The following TUBA8 variants were observed in gnomAD, a reference collection of about 807,000 sequenced individuals.
TUBA8 encodes tubulin alpha 8.
A neutral mutation model predicts 34.7 loss-of-function variants in TUBA8; 29 were observed. The observed-to-expected ratio is 0.84, with a 90% CI of 0.62 to 1.14. The LOEUF (loss-of-function observed/expected upper bound fraction) is 1.14, where lower values mean the gene tolerates loss of function less well. Among genes scored for constraint, TUBA8 ranks in the 50% most tolerant of loss-of-function variants. The probability of loss-of-function intolerance (pLI) is 0.00; values close to 1 mark genes in which losing one functional copy is unlikely to be tolerated. For missense variants in TUBA8, 541 were observed against 599.2 expected (o/e 0.90, Z 1.01); for synonymous variants, 226 against 231.2 (o/e 0.98, Z 0.21).
intron 4 of TUBA8, chr22:18,127,662 G>A (rs1187794355): frequency 6.7e-6 from 1 of 148,336 alleles, no homozygotes; most frequent in African/African-American, 2.5e-5. Context: ...CAAAGTGCTG[G>A]GATTACAGGC....
chr22:18,130,386 A>C, intron 4 of TUBA8: 1 of 190,764 alleles, frequency 5.2e-6, no homozygotes, highest in East Asian at 1.3e-4. Context: ...CTCCTTCTCT[A>C]GCCTTTGATT....
In TUBA8 at chr22:18,126,279, GGTCTGGCTTTTTTACT is replaced by G. The variant is rs1928313361; in HGVS notation, c.376-72_376-57del. 3 of 1,388,514 alleles carry G rather than the reference GGTCTGGCTTTTTTACT, an allele frequency of 2.2e-6. No homozygotes were observed. Among genetic ancestry groups the G allele is most frequent in the Non-Finnish European group, 3.1e-6 (3 of 977,884 alleles). The allele number at this position is 1,388,514 out of a possible 1,614,324, so 86.0% of individuals were successfully genotyped here. On this transcript the variant is annotated intron_variant, in intron 3 of 4. Transcript: ENST00000330423. The surrounding 1 kb of genome is among the most constrained non-coding windows in gnomAD (Gnocchi z 4.0). Reference sequence around the variant, plus strand: ...AAAATATGAGGCAGACAGAGTGGGCGGTCTGGCTTTTTTACTGTGGGGTGTTCTCGGAAACTTGTCT... The same window carrying G: ...AAAATATGAGGCAGACAGAGTGGGCGGTGGGGTGTTCTCGGAAACTTGTCT...
chr22:18,131,233 T>A lies in TUBA8; in HGVS notation c.*97T>A. ...GAACACTCTCCCCGCCCCAGCCTGATTCCTGCCTTACCCAGGAGGAGGGTG... is the reference window on the plus strand; with the variant it reads ...GAACACTCTCCCCGCCCCAGCCTGAATCCTGCCTTACCCAGGAGGAGGGTG... On this transcript the variant is annotated 3_prime_UTR_variant, in exon 5 of 5. Coordinates refer to ENST00000330423, the MANE Select transcript of TUBA8 (RefSeq NM_018943.3). This position sits in a 1 kb window ranked among gnomAD's most constrained non-coding sequence, Gnocchi z 5.3. 7.2e-7 allele frequency: 1 copy of A among 1,386,516 alleles called. No homozygotes were observed. Among genetic ancestry groups the A allele is most frequent in the Non-Finnish European group, 1.0e-6 (1 of 991,362 alleles). 85.9% of individuals were successfully genotyped at this position (1,386,516 alleles called of 1,614,324 possible). A position where few individuals can be genotyped will look rare whatever the true frequency, so the allele number is the denominator to read the frequency against.
rs1928518223 is a variant in TUBA8, at chr22:18,131,587, T to C, written c.*451T>C. 1 of 238,174 alleles carries C rather than the reference T, an allele frequency of 4.2e-6. No individual in the cohort carries two copies. The highest frequency in any genetic ancestry group is 6.0e-5 in the South Asian group (1 of 16,534). 14.8% of individuals were successfully genotyped at this position (238,174 alleles called of 1,614,324 possible). A position where few individuals can be genotyped will look rare whatever the true frequency, so the allele number is the denominator to read the frequency against. ...TCTATAGCCCGCTCCGGGCATCATCTAGACTTAGCATGCATTCACTCCCCC... is the reference window on the plus strand; with the variant it reads ...TCTATAGCCCGCTCCGGGCATCATCCAGACTTAGCATGCATTCACTCCCCC... On this transcript the variant is annotated 3_prime_UTR_variant, in exon 5 of 5. Transcript: ENST00000330423. The surrounding 1 kb of genome is among the most constrained non-coding windows in gnomAD (Gnocchi z 5.3).
chr22:18,126,763 AC>A lies in TUBA8; in HGVS notation c.790del (p.Arg264AlafsTer28), dbSNP rs1928338351. On this transcript the variant is annotated frameshift_variant, in exon 4 of 5. Transcript: ENST00000330423. LOFTEE classifies it high-confidence loss of function. The surrounding 1 kb of genome is among the most constrained non-coding windows in gnomAD (Gnocchi z 4.0). ...GAGTTCCAGACCAACCTGGTGCCCT[AC>A]CCCCGCATCCACTTCCCGCTGGTCA... ...LTEFQTNLVP[Y>X]PRIHFPLVTY... 1.2e-6 allele frequency: 2 copies of A among 1,613,038 alleles called. No individual in the cohort carries two copies. Among genetic ancestry groups the A allele is most frequent in the East Asian group, 2.2e-5 (1 of 44,848 alleles).
In TUBA8 at chr22:18,110,839, G is replaced by A. The variant is rs776539934; in HGVS notation, c.-27G>A. 3 of 1,541,778 alleles carry A rather than the reference G, an allele frequency of 1.9e-6. No individual in the cohort carries two copies. The Admixed American group carries it at 5.8e-5, about 30-fold the overall frequency. ...TCGGGGCGGGCAGGCCCAGCTGAGA[G>A]GTGCGCGGGCGAGGACAGCGGCAGC... On this transcript the variant is annotated 5_prime_UTR_variant, in exon 1 of 5. Coordinates refer to ENST00000330423, the MANE Select transcript of TUBA8 (RefSeq NM_018943.3). This position sits in a 1 kb window ranked among gnomAD's most constrained non-coding sequence, Gnocchi z 6.2.
Position 18,121,344 on chromosome 22 carries a change from C to A in TUBA8, c.4-135C>A. 1.4e-6 allele frequency: 1 copy of A among 737,932 alleles called. No individual in the cohort carries two copies. Among genetic ancestry groups the A allele is most frequent in the Non-Finnish European group, 2.4e-6 (1 of 411,040 alleles). 45.7% of individuals were successfully genotyped at this position (737,932 alleles called of 1,614,324 possible). ...GTCCAGCTGCTATAGAGCTGGGGCA[C>A]CTGCAGCCTCAACGCCAACTGGCAA... On this transcript the variant is annotated intron_variant, in intron 1 of 4. Coordinates refer to ENST00000330423, the MANE Select transcript of TUBA8 (RefSeq NM_018943.3). The surrounding 1 kb of genome is among the most constrained non-coding windows in gnomAD (Gnocchi z 4.8).
chr22:18,121,307 A>C lies in TUBA8; in HGVS notation c.4-172A>C. On this transcript the variant is annotated intron_variant, in intron 1 of 4. Transcript: ENST00000330423. The surrounding 1 kb of genome is among the most constrained non-coding windows in gnomAD (Gnocchi z 4.8). ...CACAAAACAGCTGTGTCTTCTTTGG[A>C]TCTAAGTCCTGGTCCAGCTGCTATA... 1 of 636,380 alleles carries C rather than the reference A, an allele frequency of 1.6e-6. No homozygotes were observed. The allele number at this position is 636,380 out of a possible 1,614,324, so 39.4% of individuals were successfully genotyped here.
chr22:18,124,395 T>C lies in TUBA8; in HGVS notation c.375+91T>C, dbSNP rs1928254968. The C allele has an allele frequency of 1.7e-5, 24 of 1,433,608 alleles. No individual in the cohort carries two copies. The highest frequency in any genetic ancestry group is 2.3e-4 in the Middle Eastern group (1 of 4,402). 88.8% of individuals were successfully genotyped at this position (1,433,608 alleles called of 1,614,324 possible). ...TTTGATCAGGCTAGGGAGAGGCATC[T>C]GACCCCTGGCTATAGGATGGAGCTC... On this transcript the variant is annotated intron_variant, in intron 3 of 4. Transcript: ENST00000330423. This position sits in a 1 kb window ranked among gnomAD's most constrained non-coding sequence, Gnocchi z 4.3.
intron 2 of TUBA8, chr22:18,123,949 C>A: frequency 1.6e-6 from 1 of 617,354 alleles, no homozygotes; most frequent in Non-Finnish European, 2.9e-6. Context: ...TCACCGCCCA[C>A]ATGAGCCACA....
chr22:18,117,516 G>A (rs1490168463), intron 1 of TUBA8: 1 of 152,458 alleles, frequency 6.6e-6, no homozygotes, highest in Non-Finnish European at 1.5e-5. Context: ...GCTCACGCCT[G>A]TAATCCCAGC....
chr22:18,124,292 C>T lies in TUBA8; in HGVS notation c.363C>T (p.Arg121=). Residue 121 remains arginine (R), a synonymous_variant, in exon 3 of 5, where the codon CGC becomes CGT. Coordinates refer to ENST00000330423, the MANE Select transcript of TUBA8 (RefSeq NM_018943.3). This position sits in a 1 kb window ranked among gnomAD's most constrained non-coding sequence, Gnocchi z 4.3. ...AGAGCATTGACCTGGTGCTGGACCG[C>T]ATACGGAAGCTGGTAAGATCAGGAG... ...GKESIDLVLD[R]IRKLTDACSG... 1 of 1,613,782 alleles carries T rather than the reference C, an allele frequency of 6.2e-7. No individual in the cohort carries two copies. Among genetic ancestry groups the T allele is most frequent in the Non-Finnish European group, 8.5e-7 (1 of 1,179,904 alleles).
chr22:18,111,166 T>C lies in TUBA8; in HGVS notation c.3+298T>C. 5.4e-6 allele frequency: 3 copies of C among 552,906 alleles called. No homozygotes were observed. The highest frequency in any genetic ancestry group is 9.7e-6 in the Non-Finnish European group (3 of 310,416). The allele number at this position is 552,906 out of a possible 1,614,324, so 34.3% of individuals were successfully genotyped here. A position where few individuals can be genotyped will look rare whatever the true frequency, so the allele number is the denominator to read the frequency against. ...GAGCCCGACGGAGAAGGGGGCGAGA[T>C]TCTGGGGTCCCCAGATGGGCAGCCT... On this transcript the variant is annotated intron_variant, in intron 1 of 4. Coordinates refer to ENST00000330423, the MANE Select transcript of TUBA8 (RefSeq NM_018943.3). The surrounding 1 kb of genome is among the most constrained non-coding windows in gnomAD (Gnocchi z 5.1).
rs1009918093 is a variant in TUBA8, at chr22:18,111,208, G to A, written c.3+340G>A. 1.8e-5 allele frequency: 8 copies of A among 451,148 alleles called. No individual in the cohort carries two copies. The highest frequency in any genetic ancestry group is 2.4e-5 in the Non-Finnish European group (6 of 253,072). The allele number at this position is 451,148 out of a possible 1,614,324, so 27.9% of individuals were successfully genotyped here. A position where few individuals can be genotyped will look rare whatever the true frequency, so the allele number is the denominator to read the frequency against. ...GGGCAGCCTGTGGACAGAGTGGAGA[G>A]AAGGGCGAGTCCGGGGATTCTGGAT... On this transcript the variant is annotated intron_variant, in intron 1 of 4. Coordinates refer to ENST00000330423, the MANE Select transcript of TUBA8 (RefSeq NM_018943.3). This position sits in a 1 kb window ranked among gnomAD's most constrained non-coding sequence, Gnocchi z 5.1.
chr22:18,116,985 G>T (rs369018113), intron 1 of TUBA8: 2 of 152,248 alleles, frequency 1.3e-5, no homozygotes, highest in Non-Finnish European at 2.9e-5. Context: ...ATGTAGGCGC[G>T]TAGTCAATTA....
rs1928242538 is a variant in TUBA8, at chr22:18,124,093, T to G, written c.227-63T>G. On this transcript the variant is annotated intron_variant, in intron 2 of 4. Transcript: ENST00000330423. This position sits in a 1 kb window ranked among gnomAD's most constrained non-coding sequence, Gnocchi z 4.3. ...GAGAACGGAAGGGGTCCTGCGGTAG[T>G]GTGGTAGGGAGGGAGGCTTCTCCCC... 2 of 1,603,460 alleles carry G rather than the reference T, an allele frequency of 1.2e-6. No homozygotes were observed. Among genetic ancestry groups the G allele is most frequent in the South Asian group, 2.2e-5 (2 of 90,684 alleles).
In TUBA8 at chr22:18,119,500, G is replaced by C. The variant is rs1468042600; in HGVS notation, c.4-1979G>C. 1 of 152,296 alleles carries C rather than the reference G, an allele frequency of 6.6e-6. No homozygotes were observed. Among genetic ancestry groups the C allele is most frequent in the Non-Finnish European group, 1.5e-5 (1 of 68,090 alleles). 9.4% of individuals were successfully genotyped at this position (152,296 alleles called of 1,614,324 possible). A position where few individuals can be genotyped will look rare whatever the true frequency, so the allele number is the denominator to read the frequency against. On this transcript the variant is annotated intron_variant, in intron 1 of 4. Transcript: ENST00000330423. The surrounding 1 kb of genome is among the most constrained non-coding windows in gnomAD (Gnocchi z 5.9). ...AACTCAGCCCAGGCCACACAGCACA[G>C]CAAGTAAATTGAGAAGGCAACATGG...
intron 4 of TUBA8, chr22:18,130,546 CCT>C (rs1382233988): frequency 1.1e-5 from 5 of 467,200 alleles, no homozygotes; most frequent in Non-Finnish European, 2.0e-5. Flanking sequence ...CCTCAGCCTC[CCT>C]GAGTAGCTGG....
rs1928250691 is a variant in TUBA8, at chr22:18,124,265, G to A, written c.336G>A (p.Lys112=). The change falls in exon 3 of 5, where the codon AAG becomes AAA. Residue 112 remains lysine, a synonymous_variant. Coordinates refer to ENST00000330423, the MANE Select transcript of TUBA8 (RefSeq NM_018943.3). This position sits in a 1 kb window ranked among gnomAD's most constrained non-coding sequence, Gnocchi z 4.3. ...CCCGGGGCCACTACACGGTGGGCAA[G>A]GAGAGCATTGACCTGGTGCTGGACC... ...NYARGHYTVG[K]ESIDLVLDRI... The A allele has an allele frequency of 5.0e-6, 8 of 1,614,186 alleles. No homozygotes were observed. The highest frequency in any genetic ancestry group is 5.9e-6 in the Non-Finnish European group (7 of 1,180,042).
Sources: allele counts gnomAD v4.1 joint callset, GRCh38; gene constraint gnomAD v4.1.1; non-coding constraint Gnocchi (gnomAD v3.1); transcripts MANE v1.5; gene names NCBI Gene and HGNC (gene_info 2026-07-23, HGNC 2026-07-21).